The following DLGAP1 variants were observed in gnomAD, a reference collection of about 807,000 sequenced individuals.
DLGAP1 encodes disks large-associated protein 1.
A neutral mutation model predicts 90.8 loss-of-function variants in DLGAP1; 11 were observed. The ratio of observed to expected loss-of-function variants is 0.12; its 90% CI spans 0.08 to 0.20. DLGAP1 has a LOEUF of 0.20. Ranked by LOEUF, DLGAP1 falls within the 10% of genes least tolerant of loss-of-function variation. The pLI is 1.00. For synonymous variants in DLGAP1, 558 were observed against 540.7 expected, an observed-to-expected ratio of 1.03 and a Z score of -0.44; for missense variants, 1,050 against 1,333.8, an observed-to-expected ratio of 0.79 and a Z score of 3.31.
chr18:3,902,030 C>T (rs2071795241), intron 3 of DLGAP1, among the ~76,000 whole-genome samples: 1 of 152,194 alleles, frequency 6.6e-6, no homozygotes, highest in East Asian at 1.9e-4. Flanking sequence ...CTTCCCACTT[C>T]CCAGCACAGT....
chr18:3,600,801 G>GATATATAGATATATATATAGAT, intron 7 of DLGAP1, among the ~76,000 whole-genome samples: 1 of 15,434 alleles, frequency 6.5e-5, no homozygotes, highest in Non-Finnish European at 2.0e-4. Context: ...TAGATATATA[G>GATATATAGATATATATATAGAT]ATATATAGAT....
At chr18:4,360,583 C>T (rs1352327455) in intron 1 of DLGAP1, among the ~76,000 whole-genome samples, 1 of 152,146 alleles carries the variant, frequency 6.6e-6, no homozygotes, top group Non-Finnish European at 1.5e-5. Context: ...AAAGTGAAGT[C>T]TATAATTCAG....
intron 1 of DLGAP1, among the ~76,000 whole-genome samples, chr18:4,432,186 CT>C (rs1358213031): frequency 6.6e-6 from 1 of 152,114 alleles, no homozygotes; most frequent in Admixed American, 6.6e-5. Context: ...AAAGCTTAAA[CT>C]TTGCAAGAAT....
chr18:3,594,340 A>ACCCCCCCCCCCCCCCCCCC (rs944186506), intron 7 of DLGAP1: 1 of 87,218 alleles, frequency 1.1e-5, no homozygotes, highest in Non-Finnish European at 2.3e-5. Flanking sequence ...CCACTCCCAC[A>ACCCCCCCCCCCCCCCCCCC]CCCCCCTCCC....
At chr18:3,865,433 T>C (rs2070324329) in intron 4 of DLGAP1, among the ~76,000 whole-genome samples, 2 of 152,234 alleles carry the variant, frequency 1.3e-5, no homozygotes, top group African/African-American at 4.8e-5. Flanking sequence ...AACCTTTTTA[T>C]ATATCTCACT....
chr18:4,279,410 C>T (rs1555776501), intron 1 of DLGAP1, among the ~76,000 whole-genome samples: 1 of 152,078 alleles, frequency 6.6e-6, no homozygotes, highest in Non-Finnish European at 1.5e-5. Flanking sequence ...GCAGTGATTT[C>T]AAAGGATTGT....
intron 3 of DLGAP1, among the ~76,000 whole-genome samples, chr18:3,886,874 G>A (rs1443672367): frequency 6.6e-6 from 1 of 152,180 alleles, no homozygotes; most frequent in Non-Finnish European, 1.5e-5. Flanking sequence ...AGGGGCATAC[G>A]CTTCTTTACC....
intron 1 of DLGAP1, among the ~76,000 whole-genome samples, chr18:4,202,387 T>C (rs1333923023): frequency 6.6e-6 from 1 of 152,074 alleles, no homozygotes; most frequent in Non-Finnish European, 1.5e-5. Context: ...ACCTGTTGGG[T>C]ACAATGTACA....
At chr18:3,674,296 A>AAAAAAAAATATATATATATATAT (rs755076240) in intron 7 of DLGAP1, among the ~76,000 whole-genome samples, 2 of 128,990 alleles carry the variant, frequency 1.6e-5, no homozygotes, top group African/African-American at 6.5e-5. Flanking sequence ...ATAATATTAA[A>AAAAAAAAATATATATATATATAT]ATATATATAT....
At chr18:3,650,981 G>C (rs1355269224) in intron 7 of DLGAP1, among the ~76,000 whole-genome samples, 1 of 152,042 alleles carries the variant, frequency 6.6e-6, no homozygotes, top group Non-Finnish European at 1.5e-5. Flanking sequence ...CAGGACAATT[G>C]CTTGAACCAG....
chr18:4,287,396 A>G (rs55995881), intron 1 of DLGAP1, among the ~76,000 whole-genome samples: 3,395 of 152,320 alleles, frequency 0.022, 61 homozygotes, highest in Middle Eastern at 0.061. Flanking sequence ...CTATAAAGAC[A>G]CATTCACACA....
intron 3 of DLGAP1, among the ~76,000 whole-genome samples, chr18:3,989,145 C>T (rs1390160766): frequency 6.6e-6 from 1 of 152,208 alleles, no homozygotes; most frequent in Non-Finnish European, 1.5e-5. Flanking sequence ...CCATGGTTAC[C>T]CAGTTCCCTG....
intron 7 of DLGAP1, among the ~76,000 whole-genome samples, chr18:3,712,053 G>T (rs1283965815): frequency 6.6e-6 from 1 of 152,090 alleles, no homozygotes; most frequent in Non-Finnish European, 1.5e-5. Context: ...TGGCATGGGG[G>T]GAGCATGGCC....
intron 2 of DLGAP1, among the ~76,000 whole-genome samples, chr18:4,138,960 A>C (rs1264415004): frequency 2.0e-5 from 3 of 151,820 alleles, no homozygotes; most frequent in Non-Finnish European, 4.4e-5. Context: ...CGATCCTTTA[A>C]ATTTCTGCTG....
chr18:4,382,487 CTTTTTT>C (rs3044414), intron 1 of DLGAP1, among the ~76,000 whole-genome samples: 2 of 140,806 alleles, frequency 1.4e-5, no homozygotes, highest in Non-Finnish European at 3.1e-5. Flanking sequence ...CAGCATTATG[CTTTTTT>C]TTTTTTTTTT....
At chr18:3,553,544 G>A (rs1040471000) in intron 9 of DLGAP1, among the ~76,000 whole-genome samples, 3 of 151,898 alleles carry the variant, frequency 2.0e-5, no homozygotes, top group African/African-American at 7.3e-5. Context: ...TTTTTTGTTT[G>A]TTTGTTTGAG....
At chr18:4,269,333 C>CATATATAT (rs66677805) in intron 1 of DLGAP1, among the ~76,000 whole-genome samples, 1 of 139,786 alleles carries the variant, frequency 7.2e-6, no homozygotes, top group Non-Finnish European at 1.5e-5. Flanking sequence ...TTTATATATA[C>CATATATAT]ATATATATAT....
intron 2 of DLGAP1, among the ~76,000 whole-genome samples, chr18:4,053,415 C>T (rs577306458): frequency 6.6e-6 from 1 of 152,232 alleles, no homozygotes; most frequent in South Asian, 2.1e-4. Flanking sequence ...AGGTAACTGC[C>T]CCCATGATGC....
Position 3,775,545 on chromosome 18 carries a change from A to G in DLGAP1, c.1173-33033T>C, listed in dbSNP as rs1442538855. Among the ~76,000 whole-genome samples, 1 of 152,166 alleles carries G rather than the reference A, an allele frequency of 6.6e-6. No homozygotes were observed. Among genetic ancestry groups the G allele is most frequent in the Non-Finnish European group, 1.5e-5 (1 of 68,034 alleles). ...AGGCCTCACCAAGCACGCTTCCTGT[A>G]CAGCCTGTGAAACCCTAAGCCAATT... On this transcript the variant is annotated intron_variant, in intron 5 of 12. Coordinates refer to ENST00000315677, the MANE Select transcript of DLGAP1 (RefSeq NM_004746.4). The surrounding 1 kb of genome is among the most constrained non-coding windows in gnomAD (Gnocchi z 4.9).
Sources: gnomAD v4.1 joint callset for allele counts (sites outside exome capture counted in the v4.1 genomes callset) on GRCh38, gnomAD v4.1.1 for gene constraint, Gnocchi (gnomAD v3.1) non-coding constraint, MANE v1.5 for transcripts, NCBI Gene and HGNC (gene_info 2026-07-23, HGNC 2026-07-21) for gene names.